Variants in JAZF1 observed in about 807,000 individuals in gnomAD.
JAZF1 encodes JAZF zinc finger 1, also known as juxtaposed with another zinc finger protein 1.
JAZF1 carries 8 observed loss-of-function variants against 26.4 expected under a neutral mutation model. That is an observed-to-expected ratio of 0.30 (90% CI 0.18 to 0.55). JAZF1 has a LOEUF of 0.55. JAZF1 is among the 20% of genes least tolerant of loss of function. The pLI, the probability that JAZF1 is intolerant of heterozygous loss-of-function variation, is 0.94. For missense variants in JAZF1, 199 were observed against 322.0 expected (o/e 0.62, Z 2.92); for synonymous variants, 126 against 122.3 (o/e 1.03, Z -0.20).
chr7:28,167,532 T>C (rs1783388869), intron 1 of JAZF1, among the ~76,000 whole-genome samples: 1 of 152,248 alleles, frequency 6.6e-6, no homozygotes, highest in African/African-American at 2.4e-5. Context: ...TCCAAGCACC[T>C]GCACTCACTC....
intron 1 of JAZF1, among the ~76,000 whole-genome samples, chr7:28,087,858 T>C (rs1784233947): frequency 6.6e-6 from 1 of 152,220 alleles, no homozygotes; most frequent in Non-Finnish European, 1.5e-5. Context: ...ATGTCCATTT[T>C]AAAAAGGAAA....
intron 1 of JAZF1, 61 bp from the exon 2 acceptor site, chr7:27,992,042 C>T (rs771597723): frequency 1.0e-6 from 1 of 977,686 alleles, no homozygotes; most frequent in Non-Finnish European, 1.7e-6. Context: ...ATGAGGCTAC[C>T]TAACACAAAG....
intron 4 of JAZF1, among the ~76,000 whole-genome samples, chr7:27,835,587 C>G (rs1312700553): frequency 1.3e-5 from 2 of 152,192 alleles, no homozygotes; most frequent in African/African-American, 4.8e-5. Context: ...GCTGTGCCAT[C>G]ACTCCTTTGT....
At chr7:28,094,770 T>A (rs1050010660) in intron 1 of JAZF1, among the ~76,000 whole-genome samples, 15 of 151,924 alleles carry the variant, frequency 9.9e-5, no homozygotes, top group African/African-American at 3.6e-4. Flanking sequence ...TATTATTTTT[T>A]ATTTTTTTTG....
intron 2 of JAZF1, among the ~76,000 whole-genome samples, chr7:27,902,178 G>GC (rs1784173860): frequency 6.6e-6 from 1 of 152,184 alleles, no homozygotes; most frequent in Non-Finnish European, 1.5e-5. Context: ...ATATGGGGCT[G>GC]CCCCAGACCC....
intron 1 of JAZF1, among the ~76,000 whole-genome samples, chr7:28,104,304 A>C: frequency 6.6e-6 from 1 of 152,068 alleles, no homozygotes; most frequent in East Asian, 1.9e-4. Flanking sequence ...CACTTCATTT[A>C]TTTGTGGTCT....
chr7:27,962,088 T>C (rs1785194609), intron 2 of JAZF1, among the ~76,000 whole-genome samples: 2 of 152,254 alleles, frequency 1.3e-5, no homozygotes, highest in African/African-American at 2.4e-5. Context: ...TGCTTTTTCA[T>C]ATCAACTTTT....
intron 1 of JAZF1, among the ~76,000 whole-genome samples, chr7:28,120,141 T>A (rs1784815459): frequency 6.6e-6 from 1 of 151,316 alleles, no homozygotes; most frequent in Non-Finnish European, 1.5e-5. Flanking sequence ...TTATCTTATC[T>A]TGTAAAAGTA....
intron 1 of JAZF1, among the ~76,000 whole-genome samples, chr7:28,147,951 T>C (rs532352164): frequency 9.9e-5 from 15 of 152,230 alleles, no homozygotes. Flanking sequence ...ACTCTTAACA[T>C]AGCACAACCA....
At chr7:27,999,472 A>G (rs950198741) in intron 1 of JAZF1, among the ~76,000 whole-genome samples, 3 of 152,188 alleles carry the variant, frequency 2.0e-5, no homozygotes, top group African/African-American at 7.2e-5. Context: ...AGGCTCTCGA[A>G]TTCATCTCTG....
chr7:28,090,602 T>C (rs1321489998), intron 1 of JAZF1, among the ~76,000 whole-genome samples: 1 of 152,074 alleles, frequency 6.6e-6, no homozygotes, highest in Non-Finnish European at 1.5e-5. Flanking sequence ...CATCACAATA[T>C]CCTCCAACAC....
At chr7:27,921,317 C>T (rs1304927962) in intron 2 of JAZF1, among the ~76,000 whole-genome samples, 1 of 152,008 alleles carries the variant, frequency 6.6e-6, no homozygotes, top group Non-Finnish European at 1.5e-5. Context: ...GCTTCCCCTT[C>T]CCCCTTCCAG....
intron 1 of JAZF1, among the ~76,000 whole-genome samples, chr7:28,007,649 T>A (rs939263410): frequency 3.9e-5 from 6 of 152,236 alleles, no homozygotes; most frequent in African/African-American, 1.4e-4. Context: ...TGGTTGGTTT[T>A]GGCCTCATTG....
chr7:27,850,799 A>G (rs6965551), intron 3 of JAZF1, among the ~76,000 whole-genome samples: 2,050 of 148,910 alleles, frequency 0.014, 43 homozygotes, highest in African/African-American at 0.048. Context: ...GCCATCTTTC[A>G]GCTCTGAAGG....
rs922249995 is a variant in JAZF1, at chr7:27,892,767, C to T, written c.385+2453G>A. On this transcript the variant is annotated intron_variant, in intron 3 of 4. Transcript: ENST00000283928. ...GTCTATTCAAGGAAATGGACAAATG[C>T]CTAACACAAATGAACTGGTTTGTCC... Among the ~76,000 whole-genome samples the T allele has an allele frequency of 2.0e-5, 3 of 152,122 alleles. 1 individual carries two copies. The South Asian group carries it at 6.2e-4, about 32-fold the overall frequency.
chr7:28,060,860 T>C (rs534158454), intron 1 of JAZF1, among the ~76,000 whole-genome samples: 18 of 152,296 alleles, frequency 1.2e-4, no homozygotes, highest in African/African-American at 3.9e-4. Context: ...CAGAGCTCTC[T>C]CTGGGTTTCC....
chr7:27,894,972 A>G (rs1324960446), intron 3 of JAZF1, among the ~76,000 whole-genome samples: 1 of 152,046 alleles, frequency 6.6e-6, no homozygotes, highest in Non-Finnish European at 1.5e-5. Flanking sequence ...TATGCATGGT[A>G]AAAATGGGAA....
chr7:28,018,565 C>G (rs571052431), intron 1 of JAZF1, among the ~76,000 whole-genome samples: 3 of 152,144 alleles, frequency 2.0e-5, no homozygotes, highest in African/African-American at 4.8e-5. Context: ...CAAAGTGTTG[C>G]AGATTAAGGG....
chr7:27,983,727 G>A (rs971453875), intron 2 of JAZF1, among the ~76,000 whole-genome samples: 1 of 152,224 alleles, frequency 6.6e-6, no homozygotes, highest in East Asian at 1.9e-4. Flanking sequence ...ACAACGGGAA[G>A]CCCATCAGAC....
Sources: allele counts gnomAD v4.1 joint callset (sites outside exome capture counted in the v4.1 genomes callset), GRCh38; gene constraint gnomAD v4.1.1; transcripts MANE v1.5; gene names NCBI Gene and HGNC (gene_info 2026-07-23, HGNC 2026-07-21).